Variants in KCNK2 observed in about 807,000 individuals in gnomAD.
KCNK2 encodes potassium two pore domain channel subfamily K member 2.
KCNK2 carries 21 observed loss-of-function variants against 40.5 expected under a neutral mutation model. That is an observed-to-expected ratio of 0.52 (90% confidence interval 0.37 to 0.75). The LOEUF (loss-of-function observed/expected upper bound fraction) is 0.75. Ranked by LOEUF, KCNK2 falls within the 30% of genes least tolerant of loss-of-function variation. The pLI, the probability that KCNK2 is intolerant of heterozygous loss-of-function variation, is 0.00. For missense variants in KCNK2, 399 were observed against 531.6 expected, an observed-to-expected ratio of 0.75 and a Z score of 2.45; for synonymous variants, 191 against 202.2, an observed-to-expected ratio of 0.94 and a Z score of 0.47.
At chr1:215,014,257 C>A (rs1363506294) in intron 1 of KCNK2, among the ~76,000 whole-genome samples, 4 of 151,970 alleles carry the variant, frequency 2.6e-5, no homozygotes, top group African/African-American at 9.7e-5. Flanking sequence ...CCAGGATTAA[C>A]CCCACTTAAC....
In KCNK2 at chr1:215,236,759, GT is replaced by G. The variant is rs1264462258; in HGVS notation, c.*1615del. On this transcript the variant is annotated 3_prime_UTR_variant, in exon 7 of 7. Transcript: ENST00000444842. ...GCAAACTGATTTCTTTTACTTTTTT[GT>G]GTGTGGGGGTGGGAGCTGTATCTGA... 6.6e-6 allele frequency: 1 copy of G among 151,550 alleles called. No homozygotes were observed. Among genetic ancestry groups the G allele is most frequent in the African/African-American group, 2.4e-5 (1 of 41,284 alleles). The allele number at this position is 151,550 out of a possible 1,614,324, so 9.4% of individuals were successfully genotyped here.
chr1:215,111,695 T>G (rs1359395545), intron 2 of KCNK2, among the ~76,000 whole-genome samples: 1 of 152,142 alleles, frequency 6.6e-6, no homozygotes, highest in Admixed American at 6.6e-5. Flanking sequence ...ATGGTTATTT[T>G]GAATCTTTAT....
chr1:215,226,420 G>T (rs912331947), intron 6 of KCNK2, among the ~76,000 whole-genome samples: 2 of 152,246 alleles, frequency 1.3e-5, no homozygotes, highest in East Asian at 3.9e-4. Context: ...CCGCCTCCCG[G>T]GTTCAAGCGA....
intron 1 of KCNK2, among the ~76,000 whole-genome samples, chr1:215,071,745 A>G (rs1031210945): frequency 6.6e-6 from 1 of 152,172 alleles, no homozygotes; most frequent in African/African-American, 2.4e-5. Flanking sequence ...TGGGCATAAA[A>G]TTTTGGGTGG....
At chr1:215,061,373 T>C (rs1235013119) in intron 1 of KCNK2, among the ~76,000 whole-genome samples, 1 of 152,188 alleles carries the variant, frequency 6.6e-6, no homozygotes, top group Non-Finnish European at 1.5e-5. Flanking sequence ...AAGTGTGAGT[T>C]TACCAGTATT....
chr1:215,160,643 T>C (rs1207363586), intron 3 of KCNK2, among the ~76,000 whole-genome samples: 2 of 152,172 alleles, frequency 1.3e-5, no homozygotes, highest in Non-Finnish European at 2.9e-5. Context: ...AGCTTGCTCT[T>C]CCTGTGACTT....
At position 215,083,210 on chromosome 1, in the gene KCNK2, TC is replaced by T; in HGVS notation, c.-173del. 2.6e-6 allele frequency: 1 copy of T among 391,894 alleles called. No individual in the cohort carries two copies. Among genetic ancestry groups the T allele is most frequent in the Non-Finnish European group, 4.0e-6 (1 of 251,278 alleles). 24.3% of individuals were successfully genotyped at this position (391,894 alleles called of 1,614,324 possible). On this transcript the variant is annotated 5_prime_UTR_variant, in exon 1 of 7. Transcript: ENST00000444842. ...TTCTCACGCTCCCCCCCCCGCCCCC[TC>T]CCGCGTCCAGCCCCGCTCTCCCCAC...
intron 2 of KCNK2, among the ~76,000 whole-genome samples, chr1:215,115,920 C>G (rs961355869): frequency 6.7e-6 from 1 of 149,976 alleles, no homozygotes; most frequent in Non-Finnish European, 1.5e-5. Flanking sequence ...CATATGTAGA[C>G]TGGCTCCTTT....
intron 1 of KCNK2, among the ~76,000 whole-genome samples, chr1:215,040,693 G>T (rs545009759): frequency 2.0e-5 from 3 of 152,278 alleles, no homozygotes; most frequent in East Asian, 3.9e-4. Context: ...ATACAGTGTG[G>T]CCACTTGCTA....
At chr1:215,109,011 A>T (rs930587007) in intron 2 of KCNK2, among the ~76,000 whole-genome samples, 1 of 151,924 alleles carries the variant, frequency 6.6e-6, no homozygotes, top group Non-Finnish European at 1.5e-5. Context: ...ATATATATGC[A>T]TATATATATC....
Position 215,083,413 on chromosome 1 carries a change from C to G in KCNK2, c.28C>G (p.Pro10Ala). Residue 10 changes from proline (P) to alanine (A), a missense_variant, in exon 1 of 7, where the codon CCC becomes GCC. Transcript: ENST00000444842. MLPSASRER[P>A]GYRAGVAAPD... Reference sequence around the variant, plus strand: ...GCTTCCCAGCGCCTCGCGGGAGAGACCCGGCTATAGAGCAGGAGGTGAGAC... The same window carrying G: ...GCTTCCCAGCGCCTCGCGGGAGAGAGCCGGCTATAGAGCAGGAGGTGAGAC... 1 of 1,613,808 alleles carries G rather than the reference C, an allele frequency of 6.2e-7. No individual in the cohort carries two copies. Among genetic ancestry groups the G allele is most frequent in the Non-Finnish European group, 8.5e-7 (1 of 1,179,800 alleles).
chr1:215,208,956 T>C (rs1665437231), intron 6 of KCNK2, among the ~76,000 whole-genome samples: 1 of 151,840 alleles, frequency 6.6e-6, no homozygotes, highest in Non-Finnish European at 1.5e-5. Context: ...GCATGCATAG[T>C]AGCTGGGATT....
intron 3 of KCNK2, among the ~76,000 whole-genome samples, chr1:215,135,237 A>G (rs1343806419): frequency 6.6e-6 from 1 of 152,132 alleles, no homozygotes. Context: ...ACTTAGGTTC[A>G]GGGTTTTGTC....
intron 1 of KCNK2, among the ~76,000 whole-genome samples, chr1:215,038,589 T>C (rs1026876577): frequency 5.9e-5 from 9 of 152,090 alleles, no homozygotes; most frequent in African/African-American, 1.7e-4. Context: ...GTTTTTAATC[T>C]CTATATATCT....
chr1:215,164,786 T>C (rs1663368636), intron 3 of KCNK2, among the ~76,000 whole-genome samples: 1 of 152,198 alleles, frequency 6.6e-6, no homozygotes, highest in Non-Finnish European at 1.5e-5. Context: ...CTGTACTTTC[T>C]GTGGCACACA....
At chr1:215,006,039 G>A in intron 1 of KCNK2, 2 of 1,116,056 alleles carry the variant, frequency 1.8e-6, no homozygotes, top group Non-Finnish European at 2.7e-6. Flanking sequence ...GCAAGTATTT[G>A]ATGTAAGGAG....
chr1:215,174,477 C>A (rs1193613730), intron 5 of KCNK2, among the ~76,000 whole-genome samples: 1 of 152,066 alleles, frequency 6.6e-6, no homozygotes, highest in Non-Finnish European at 1.5e-5. Context: ...TCCATATGAA[C>A]TTTAAAGTAG....
At chr1:215,022,129 A>ATCTATGTATCTATCTATCT (rs5780811) in intron 1 of KCNK2, among the ~76,000 whole-genome samples, 2 of 122,962 alleles carry the variant, frequency 1.6e-5, no homozygotes, top group Non-Finnish European at 3.4e-5. Flanking sequence ...CTATCTATCT[A>ATCTATGTATCTATCTATCT]ATCATCTATC....
chr1:215,022,007 A>G (rs937405962), intron 1 of KCNK2, among the ~76,000 whole-genome samples: 2 of 150,954 alleles, frequency 1.3e-5, no homozygotes, highest in Non-Finnish European at 3.0e-5. Context: ...GCTCAACTGT[A>G]TTGTACCACC....
Sources: gnomAD v4.1 joint callset for allele counts (sites outside exome capture counted in the v4.1 genomes callset) on GRCh38, gnomAD v4.1.1 for gene constraint, MANE v1.5 for transcripts, NCBI Gene and HGNC (gene_info 2026-07-23, HGNC 2026-07-21) for gene names.